Variants in SGCZ observed in about 807,000 individuals in gnomAD.
SGCZ encodes sarcoglycan zeta.
In SGCZ, 40 loss-of-function variants were observed where a neutral mutation model predicts 41.3. That is an observed-to-expected ratio of 0.97 (90% confidence interval 0.75 to 1.26). The LOEUF is 1.26. Ranked by LOEUF, SGCZ falls within the 50% of genes most tolerant of loss-of-function variation. The pLI, the probability that SGCZ is intolerant of heterozygous loss-of-function variation, is 0.00. For missense variants in SGCZ, 552 were observed against 369.8 expected, an observed-to-expected ratio of 1.49 and a Z score of -4.04; for synonymous variants, 206 against 137.5, an observed-to-expected ratio of 1.50 and a Z score of -3.49.
intron 1 of SGCZ, among the ~76,000 whole-genome samples, chr8:15,021,405 T>C (rs1803243957): frequency 6.6e-6 from 1 of 152,238 alleles, no homozygotes; most frequent in South Asian, 2.1e-4. Flanking sequence ...ACTTGTGTTC[T>C]AGGGCCTCAC....
chr8:14,230,349 A>C (rs1806517207), intron 4 of SGCZ, among the ~76,000 whole-genome samples: 1 of 152,148 alleles, frequency 6.6e-6, no homozygotes, highest in Admixed American at 6.6e-5. Flanking sequence ...TCACTAACTT[A>C]TACATAATGC....
At position 14,813,676 on chromosome 8, in the gene SGCZ, G is replaced by A. The variant is rs185517719; in HGVS notation, c.40-258750C>T. On this transcript the variant is annotated intron_variant, in intron 1 of 7. Transcript: ENST00000382080. ...TAAAATAATAATAAAGCAAGGCCGC[G>A]AGCAGTGGCTCACGCCTGTAATCCC... Among the ~76,000 whole-genome samples, 688 of 152,234 alleles carry A rather than the reference G, an allele frequency of 4.5e-3. 2 individuals are homozygous for A. The highest frequency in any genetic ancestry group is 0.01 in the East Asian group (53 of 5,174).
chr8:14,572,695 T>C (rs1348580025), intron 1 of SGCZ, among the ~76,000 whole-genome samples: 2 of 152,142 alleles, frequency 1.3e-5, no homozygotes, highest in African/African-American at 4.8e-5. Flanking sequence ...ACAGATCATT[T>C]CCTTCATACA....
At chr8:15,165,502 A>G (rs909934027) in intron 1 of SGCZ, among the ~76,000 whole-genome samples, 2 of 152,168 alleles carry the variant, frequency 1.3e-5, no homozygotes, top group African/African-American at 4.8e-5. Context: ...TGCTGGCTTT[A>G]GATTTGATAT....
chr8:14,713,416 G>T (rs1002250163), intron 1 of SGCZ, among the ~76,000 whole-genome samples: 1 of 151,948 alleles, frequency 6.6e-6, no homozygotes, highest in African/African-American at 2.4e-5. Context: ...AAAAGTAGAA[G>T]GGAAAAAAGT....
At chr8:15,161,898 G>A (rs1470440221) in intron 1 of SGCZ, among the ~76,000 whole-genome samples, 1 of 152,072 alleles carries the variant, frequency 6.6e-6, no homozygotes, top group Non-Finnish European at 1.5e-5. Context: ...AGCTGGGCGT[G>A]GGGGTGCACA....
At chr8:15,221,509 A>G (rs1264405914) in intron 1 of SGCZ, among the ~76,000 whole-genome samples, 9 of 152,176 alleles carry the variant, frequency 5.9e-5, no homozygotes, top group Admixed American at 5.2e-4. Flanking sequence ...AATTCTAGCA[A>G]CACTATAAAC....
chr8:15,201,367 AT>A (rs1800884041), intron 1 of SGCZ, among the ~76,000 whole-genome samples: 2 of 152,164 alleles, frequency 1.3e-5, no homozygotes, highest in African/African-American at 4.8e-5. Flanking sequence ...GTACCTGCCG[AT>A]GACTCATAGT....
chr8:14,258,494 C>T (rs1277612144), intron 3 of SGCZ, among the ~76,000 whole-genome samples: 2 of 151,908 alleles, frequency 1.3e-5, no homozygotes, highest in Non-Finnish European at 2.9e-5. Context: ...TCTGGAAGAG[C>T]CAAAGTTCTT....
At chr8:14,200,293 C>T (rs1805412016) in intron 4 of SGCZ, among the ~76,000 whole-genome samples, 1 of 152,180 alleles carries the variant, frequency 6.6e-6, no homozygotes, top group East Asian at 1.9e-4. Context: ...TTTCCCTAAA[C>T]AGGTATAGTC....
chr8:14,834,482 C>T (rs1014748904), intron 1 of SGCZ, among the ~76,000 whole-genome samples: 1 of 152,082 alleles, frequency 6.6e-6, no homozygotes, highest in African/African-American at 2.4e-5. Context: ...CATAGTTGCT[C>T]AGGAATTCAG....
chr8:14,958,420 T>A (rs1800861387), intron 1 of SGCZ, among the ~76,000 whole-genome samples: 1 of 152,192 alleles, frequency 6.6e-6, no homozygotes, highest in South Asian at 2.1e-4. Context: ...AGGTATGCAA[T>A]ACTGATACGT....
intron 2 of SGCZ, among the ~76,000 whole-genome samples, chr8:14,340,751 T>C (rs2898389): frequency 0.38 from 58,226 of 152,014 alleles, 11,624 homozygotes; most frequent in South Asian, 0.54. Context: ...CAATTCTTTT[T>C]GGAGGTAACA....
intron 3 of SGCZ, among the ~76,000 whole-genome samples, chr8:14,239,248 A>AAC (rs36209114): frequency 2.7e-5 from 4 of 149,262 alleles, no homozygotes; most frequent in African/African-American, 9.8e-5. Flanking sequence ...TTCATACATG[A>AAC]ACACACACAC....
At chr8:14,879,387 G>C (rs986100776) in intron 1 of SGCZ, 5 of 151,704 alleles carry the variant, frequency 3.3e-5, no homozygotes, top group Admixed American at 1.3e-4. Context: ...CAAAACAAAA[G>C]AAAACTAATC....
chr8:14,418,373 G>C (rs925906792), intron 2 of SGCZ, among the ~76,000 whole-genome samples: 4 of 151,922 alleles, frequency 2.6e-5, no homozygotes, highest in Non-Finnish European at 5.9e-5. Context: ...ACTTATTCAA[G>C]AAAGGGGATT....
chr8:14,515,086 C>G (rs376253907), intron 2 of SGCZ, among the ~76,000 whole-genome samples: 1 of 151,938 alleles, frequency 6.6e-6, no homozygotes, highest in Non-Finnish European at 1.5e-5. Context: ...GGAAAATAGG[C>G]CTTTCCTCAT....
At chr8:14,852,075 G>C (rs1243297209) in intron 1 of SGCZ, among the ~76,000 whole-genome samples, 2 of 151,974 alleles carry the variant, frequency 1.3e-5, no homozygotes, top group East Asian at 3.9e-4. Context: ...TTTTAAGTTA[G>C]TACACTGTTG....
chr8:14,500,536 C>A (rs984042207), intron 2 of SGCZ, among the ~76,000 whole-genome samples: 4 of 151,408 alleles, frequency 2.6e-5, no homozygotes, highest in African/African-American at 9.7e-5. Flanking sequence ...ACAATTTTTT[C>A]AAGATACAGC....
Sources: allele counts gnomAD v4.1 joint callset (sites outside exome capture counted in the v4.1 genomes callset), GRCh38; gene constraint gnomAD v4.1.1; transcripts MANE v1.5; gene names NCBI Gene and HGNC (gene_info 2026-07-23, HGNC 2026-07-21).